The following RPL19 variants were observed in gnomAD, a reference collection of about 807,000 sequenced individuals.
RPL19 encodes large ribosomal subunit protein eL19.
RPL19 carries 2 observed loss-of-function variants against 25.1 expected under a neutral mutation model. The ratio of observed to expected loss-of-function variants is 0.08; its 90% CI spans 0.03 to 0.25. The LOEUF is 0.25. RPL19 is among the 10% of genes least tolerant of loss of function. RPL19 has a pLI of 1.00. For synonymous variants in RPL19, 89 were observed against 91.2 expected (o/e 0.98, Z 0.14); for missense variants, 123 against 271.8 (o/e 0.45, Z 3.85).
At position 39,200,328 on chromosome 17, in the gene RPL19, C is replaced by G. The variant is rs779293494; in HGVS notation, c.-17C>G. The G allele has an allele frequency of 3.2e-6, 5 of 1,555,170 alleles. No individual in the cohort carries two copies. The South Asian group carries it at 4.8e-5, about 15-fold the overall frequency. On this transcript the variant is annotated 5_prime_UTR_variant, in exon 1 of 6. Coordinates refer to ENST00000225430, the MANE Select transcript of RPL19 (RefSeq NM_000981.4). ...GGCCCGAGCGAGCTCTTTCCTTTCG[C>G]TGCTGCGGCCGCAGCCATGAGGTGA...
chr17:39,203,174 ATT>A (rs59332263), intron 4 of RPL19, 65 bp downstream of exon 4: 55,122 of 578,328 alleles, frequency 0.095, 4 homozygotes, highest in Middle Eastern at 0.11. Flanking sequence ...TTTCCCAGAG[ATT>A]TTTTTTTTTT....
chr17:39,201,784 C>CTGG lies in RPL19; in HGVS notation c.112+467_112+469dup, dbSNP rs1419366606. On this transcript the variant is annotated intron_variant, in intron 2 of 5. Coordinates refer to ENST00000225430, the MANE Select transcript of RPL19 (RefSeq NM_000981.4). ...ATGGGGTTTCATCATGTTGGTCAGG[C>CTGG]TGGTCTCAAACTCCTGACCTCAGGT... 3.3e-5 allele frequency among the ~76,000 whole-genome samples: 5 copies of CTGG among 152,056 alleles called. No individual in the cohort carries two copies. The East Asian group carries it at 7.7e-4, about 24-fold the overall frequency.
chr17:39,203,636 G>A (rs898357693), intron 4 of RPL19, among the ~76,000 whole-genome samples: 2 of 151,862 alleles, frequency 1.3e-5, no homozygotes, highest in African/African-American at 2.4e-5. Flanking sequence ...ACCGTCTCAA[G>A]TACCTGGGAT....
Position 39,204,554 on chromosome 17 carries a change from C to A in RPL19, c.497C>A (p.Thr166Asn). The A allele has an allele frequency of 6.2e-7, 1 of 1,614,134 alleles. No homozygotes were observed. Among genetic ancestry groups the A allele is most frequent in the African/African-American group, 1.3e-5 (1 of 75,020 alleles). Residue 166 changes from threonine to asparagine, a missense_variant, in exon 6 of 6, where the codon ACC becomes AAC. Thr to Asn is a moderately conservative substitution (Grantham distance 65). Transcript: ENST00000225430. Reference sequence around the variant, plus strand: ...CAGGCTGAGGCCCGCAGGTCTAAGACCAAGGAAGCACGCAAGCGCCGTGAA... The same window carrying A: ...CAGGCTGAGGCCCGCAGGTCTAAGAACAAGGAAGCACGCAAGCGCCGTGAA... ...ADQAEARRSK[T>N]KEARKRREER... is the part of the protein sequence containing the mutation.
intron 3 of RPL19, 48 bp downstream of exon 3, chr17:39,202,487 A>G (rs1291994878): frequency 1.9e-6 from 3 of 1,606,628 alleles, no homozygotes; most frequent in South Asian, 1.1e-5. Context: ...GCTGGCATCT[A>G]TGCTGAAATA....
chr17:39,201,485 C>G (rs971658043), intron 2 of RPL19, among the ~76,000 whole-genome samples, 166 bp downstream of exon 2: 15 of 151,894 alleles, frequency 9.9e-5, no homozygotes, highest in Non-Finnish European at 2.2e-4. Context: ...CCCCTGCTCC[C>G]AGGCTCAAGT....
intron 1 of RPL19, 115 bp from the exon 2 acceptor site, chr17:39,201,098 G>A (rs749366437): frequency 1.4e-6 from 1 of 736,202 alleles, no homozygotes; most frequent in Non-Finnish European, 2.4e-6. Flanking sequence ...ATGATTTAGG[G>A]AAGAGTCTTA....
intron 1 of RPL19, 183 bp from the exon 2 acceptor site, chr17:39,201,028 AGC>A: frequency 1.8e-6 from 1 of 549,642 alleles, no homozygotes; most frequent in Non-Finnish European, 3.2e-6. Context: ...GTGAAGGCAT[AGC>A]GTGGGTTTTG....
rs2046311412 is a variant in RPL19, at chr17:39,204,546, G to A, written c.489G>A (p.Arg163=). 1 of 1,614,170 alleles carries A rather than the reference G, an allele frequency of 6.2e-7. No homozygotes were observed. The highest frequency in any genetic ancestry group is 8.5e-7 in the Non-Finnish European group (1 of 1,180,008). ...CCAGTGACCAGGCTGAGGCCCGCAG[G>A]TCTAAGACCAAGGAAGCACGCAAGC... ...KLLADQAEAR[R]SKTKEARKRR... The change falls in exon 6 of 6, where the codon AGG becomes AGA. Residue 163 remains arginine (R), a synonymous_variant. Coordinates refer to ENST00000225430, the MANE Select transcript of RPL19 (RefSeq NM_000981.4).
rs976449458 is a variant in RPL19, at chr17:39,202,328, C to T, written c.124C>T (p.Arg42Trp). 3 of 1,613,642 alleles carry T rather than the reference C, an allele frequency of 1.9e-6. No individual in the cohort carries two copies. The highest frequency in any genetic ancestry group is 2.2e-5 in the East Asian group (1 of 44,894). Residue 42 changes from arginine (R) to tryptophan (W), a missense_variant, in exon 3 of 6, where the codon CGG becomes TGG. Coordinates refer to ENST00000225430, the MANE Select transcript of RPL19 (RefSeq NM_000981.4). ...TTATGCTTTCCCAGGTCAGCAGATC[C>T]GGAAGCTCATCAAAGATGGGCTGAT... ...IANANSRQQI[R>W]KLIKDGLIIR...
intron 1 of RPL19, 97 bp downstream of exon 1, chr17:39,200,446 G>T: frequency 1.5e-6 from 2 of 1,298,968 alleles, no homozygotes; most frequent in Non-Finnish European, 2.0e-6. Flanking sequence ...TGAAATGGAG[G>T]CCGCCCTAAA....
intron 4 of RPL19, among the ~76,000 whole-genome samples, chr17:39,203,858 TTCCCTGTATG>T (rs964631514): frequency 6.6e-6 from 1 of 152,220 alleles, no homozygotes; most frequent in Non-Finnish European, 1.5e-5. Context: ...CTTTCTTTTT[TTCCCTGTATG>T]TCATCAGGAT....
intron 1 of RPL19, 42 bp from the exon 2 acceptor site, chr17:39,201,171 G>T: frequency 1.5e-6 from 2 of 1,370,420 alleles, no homozygotes; most frequent in African/African-American, 2.9e-5. Flanking sequence ...TTCTTGCCCA[G>T]GATTGGCTTT....
intron 4 of RPL19, among the ~76,000 whole-genome samples, chr17:39,203,423 C>T (rs1460532987): frequency 3.3e-5 from 5 of 151,268 alleles, no homozygotes; most frequent in African/African-American, 9.8e-5. Context: ...CCTTGTGATC[C>T]GCCCGCCTTG....
chr17:39,202,486 T>G, intron 3 of RPL19, 47 bp downstream of exon 3: 1 of 1,606,420 alleles, frequency 6.2e-7, no homozygotes, highest in Non-Finnish European at 8.5e-7. Context: ...TGCTGGCATC[T>G]ATGCTGAAAT....
At chr17:39,201,996 A>C (rs1156327884) in intron 2 of RPL19, among the ~76,000 whole-genome samples, 1 of 152,198 alleles carries the variant, frequency 6.6e-6, no homozygotes, top group Non-Finnish European at 1.5e-5. Context: ...ATGGCCAGGC[A>C]TGGTGGCAGG....
rs368514848 is a variant in RPL19 at position 39,204,512 on chromosome 17, C to A, written c.468-13C>A. The A allele has an allele frequency of 7.4e-6, 12 of 1,613,792 alleles. No individual in the cohort carries two copies. The African/African-American group carries it at 1.6e-4, about 22-fold the overall frequency. ...CTTCCCAAACTGACCCGTCTTTTCT[C>A]TTCCCTGACCAGTGACCAGGCTGAG... On this transcript the variant is annotated splice_polypyrimidine_tract_variant and intron_variant, in intron 5 of 5. Coordinates refer to ENST00000225430, the MANE Select transcript of RPL19 (RefSeq NM_000981.4).
intron 1 of RPL19, 23 bp downstream of exon 1, chr17:39,200,372 C>G: frequency 2.6e-6 from 4 of 1,562,440 alleles, no homozygotes; most frequent in South Asian, 1.2e-5. Flanking sequence ...TGGTCTCCAT[C>G]AGGCGCTGAC....
At chr17:39,203,524 T>C (rs1406104382) in intron 4 of RPL19, among the ~76,000 whole-genome samples, 1 of 148,046 alleles carries the variant, frequency 6.8e-6, no homozygotes, top group Non-Finnish European at 1.5e-5. Flanking sequence ...AGCTTTTTTT[T>C]TTTGGAGACA....
Sources: allele counts gnomAD v4.1 joint callset (sites outside exome capture counted in the v4.1 genomes callset), GRCh38; gene constraint gnomAD v4.1.1; transcripts MANE v1.5; gene names NCBI Gene and HGNC (gene_info 2026-07-23, HGNC 2026-07-21).